The following HADH variants were observed in gnomAD, a reference collection of about 807,000 sequenced individuals.
The protein encoded by HADH is hydroxyacyl-CoA dehydrogenase.
A neutral mutation model predicts 32.2 loss-of-function variants in HADH; 24 were observed. The ratio of observed to expected loss-of-function variants is 0.75; its 90% CI spans 0.54 to 1.05. The LOEUF (loss-of-function observed/expected upper bound fraction) is 1.05. Among genes scored for constraint, HADH ranks in the 50% least tolerant of loss-of-function variants. HADH has a pLI of 0.00. For missense variants in HADH, 350 were observed against 397.1 expected (o/e 0.88, Z 1.01); for synonymous variants, 139 against 152.5 (o/e 0.91, Z 0.65).
At chr4:108,028,097 T>G in intron 6 of HADH, 1 of 373,200 alleles carries the variant, frequency 2.7e-6, no homozygotes, top group Non-Finnish European at 5.0e-6. Flanking sequence ...ATAATCATAA[T>G]GTAAAAATCA....
chr4:108,000,325 A>G (rs1174328704), intron 1 of HADH, among the ~76,000 whole-genome samples: 1 of 152,218 alleles, frequency 6.6e-6, no homozygotes, highest in Admixed American at 6.5e-5. Flanking sequence ...TTAAAGAAGA[A>G]AAGGTTGGTA....
At position 108,014,519 on chromosome 4, in the gene HADH, T is replaced by C; in HGVS notation, c.350T>C (p.Val117Ala). Reference sequence around the variant, plus strand: ...GTTGTCCACAGCACAGACTTGGTGGTGGAAGCCATCGTGGAGAATCTGAAG... The same window carrying C: ...GTTGTCCACAGCACAGACTTGGTGGCGGAAGCCATCGTGGAGAATCTGAAG... Reference protein sequence around the residue: ...ASVVHSTDLVVEAIVENLKVK... With the variant: ...ASVVHSTDLVAEAIVENLKVK... Residue 117 changes from valine to alanine, a missense_variant, in exon 3 of 8, where the codon GTG (valine) becomes GCG (alanine). Coordinates refer to ENST00000309522, the MANE Select transcript of HADH (RefSeq NM_005327.7). The C allele has an allele frequency of 6.2e-7, 1 of 1,613,958 alleles. No individual in the cohort carries two copies. Among genetic ancestry groups the C allele is most frequent in the East Asian group, 2.2e-5 (1 of 44,874 alleles).
chr4:108,000,785 A>G (rs2126221136), intron 1 of HADH, among the ~76,000 whole-genome samples: 2 of 152,382 alleles, frequency 1.3e-5, no homozygotes, highest in South Asian at 4.1e-4. Context: ...ACAAGGGCAC[A>G]GAGCCATGAG....
chr4:108,009,961 C>A, intron 2 of HADH, 74 bp downstream of exon 2: 30 of 835,878 alleles, frequency 3.6e-5, no homozygotes, highest in South Asian at 5.3e-5. Context: ...TGGGGGATTT[C>A]TGGCTTTCTT....
chr4:108,009,812 C>G lies in HADH; in HGVS notation c.186C>G (p.Ile62Met). 6.2e-7 allele frequency: 1 copy of G among 1,611,524 alleles called. No individual in the cohort carries two copies. The highest frequency in any genetic ancestry group is 8.5e-7 in the Non-Finnish European group (1 of 1,177,686). ...TGTTGGTAGACCAGACAGAGGACAT[C>G]CTGGCAAAATCCAAAAAGGGAATTG... ...TVVLVDQTED[I>M]LAKSKKGIEE... Residue 62 changes from isoleucine (I) to methionine (M), a missense_variant, in exon 2 of 8, where the codon ATC becomes ATG. Physicochemically the swap from Ile to Met is conservative, Grantham distance 10 (BLOSUM62 1). Transcript: ENST00000309522.
rs1215489699 is a variant in HADH, at chr4:108,009,738, ATTGTTCTT to A, written c.133-15_133-8del. 2 of 1,612,220 alleles carry A rather than the reference ATTGTTCTT, an allele frequency of 1.2e-6. No homozygotes were observed. The highest frequency in any genetic ancestry group is 2.2e-5 in the South Asian group (2 of 91,044). On this transcript the variant is annotated splice_polypyrimidine_tract_variant and intron_variant, in intron 1 of 7. Coordinates refer to ENST00000309522, the MANE Select transcript of HADH (RefSeq NM_005327.7). ...TATGTTTTCTTTCTTTTAAAAAGAA[ATTGTTCTT>A]TTGTTGCTCTAGGTTGCTGCAGCAA...
intron 2 of HADH, among the ~76,000 whole-genome samples, chr4:108,012,944 T>C (rs1735549107): frequency 6.6e-6 from 1 of 152,234 alleles, no homozygotes; most frequent in Non-Finnish European, 1.5e-5. Flanking sequence ...TATTCTTTTT[T>C]GTTGAGACGG....
intron 1 of HADH, among the ~76,000 whole-genome samples, chr4:107,990,364 C>T (rs1272380894): frequency 1.3e-5 from 2 of 152,210 alleles, no homozygotes; most frequent in East Asian, 1.9e-4. Context: ...TGGAAGCGGG[C>T]CGTGCAAGAG....
Position 108,011,414 on chromosome 4 carries a change from G to C in HADH, c.261+1527G>C, listed in dbSNP as rs550317648. ...ATGTCTTACATGGCAGCAGGCAAGA[G>C]GGAGAGCATGTGCAGGGGAACTGTC... On this transcript the variant is annotated intron_variant, in intron 2 of 7. Transcript: ENST00000309522. Among the ~76,000 whole-genome samples, 8 of 152,316 alleles carry C rather than the reference G, an allele frequency of 5.3e-5. No individual in the cohort carries two copies. The East Asian group carries it at 1.4e-3, about 26-fold the overall frequency.
intron 5 of HADH, chr4:108,024,348 A>AT (rs1456511271): frequency 3.9e-5 from 6 of 152,218 alleles, no homozygotes; most frequent in Non-Finnish European, 8.8e-5. Flanking sequence ...AGATTTACAT[A>AT]TAAGTCATCT....
At chr4:108,001,612 G>A (rs553813815) in intron 1 of HADH, among the ~76,000 whole-genome samples, 48 of 152,282 alleles carry the variant, frequency 3.2e-4, no homozygotes, top group African/African-American at 1.1e-3. Flanking sequence ...CAGTGGATGC[G>A]TGAAACTGCA....
chr4:108,033,363 T>A, intron 7 of HADH, 71 bp downstream of exon 7: 3 of 849,670 alleles, frequency 3.5e-6, no homozygotes, highest in South Asian at 1.3e-5. Context: ...AATGCCTTTT[T>A]AAAAAAAGTT....
At chr4:108,032,811 A>C in intron 6 of HADH, 1 of 338,572 alleles carries the variant, frequency 3.0e-6, no homozygotes, top group Non-Finnish European at 5.6e-6. Context: ...GTGAAACCCT[A>C]TCTCTACTAA....
chr4:108,026,917 C>T (rs572974685), intron 5 of HADH: 23 of 152,564 alleles, frequency 1.5e-4, no homozygotes, highest in African/African-American at 5.3e-4. Context: ...CCACACCTGT[C>T]CTCCAGAGAG....
At chr4:108,027,815 C>T (rs1736116276) in intron 6 of HADH, 55 bp downstream of exon 6, 8 of 1,023,218 alleles carry the variant, frequency 7.8e-6, no homozygotes, top group Non-Finnish European at 1.2e-5. Context: ...GCGCCACTGT[C>T]TGGAATTCTC....
At chr4:107,999,227 T>C (rs1735043777) in intron 1 of HADH, among the ~76,000 whole-genome samples, 1 of 152,106 alleles carries the variant, frequency 6.6e-6, no homozygotes, top group Non-Finnish European at 1.5e-5. Flanking sequence ...GGATGAAAGG[T>C]ATAAGACACA....
intron 7 of HADH, 151 bp downstream of exon 7, chr4:108,033,443 G>A (rs948897242): frequency 1.4e-6 from 1 of 692,946 alleles, no homozygotes; most frequent in African/African-American, 1.8e-5. Flanking sequence ...ACAGATGTCA[G>A]GAGAAGGAAG....
chr4:108,004,783 A>G, intron 1 of HADH: 6 of 1,535,990 alleles, frequency 3.9e-6, no homozygotes, highest in Non-Finnish European at 5.2e-6. Context: ...CATGTGTAGG[A>G]CAGCCTTAGG....
At chr4:108,023,628 G>T in intron 5 of HADH, 65 bp downstream of exon 5, 1 of 921,910 alleles carries the variant, frequency 1.1e-6, no homozygotes, top group Non-Finnish European at 1.8e-6. Flanking sequence ...CTTGTTCCTG[G>T]TAGAATTCTT....
Sources: allele counts gnomAD v4.1 joint callset (sites outside exome capture counted in the v4.1 genomes callset), GRCh38; gene constraint gnomAD v4.1.1; transcripts MANE v1.5; gene names NCBI Gene and HGNC (gene_info 2026-07-23, HGNC 2026-07-21).